The following ASZ1 variants were observed in gnomAD, a reference collection of about 807,000 sequenced individuals.
The protein encoded by ASZ1 is ankyrin repeat, SAM and basic leucine zipper domain-containing protein 1.
In ASZ1, 67 loss-of-function variants were observed where a neutral mutation model predicts 61.8. The ratio of observed to expected loss-of-function variants is 1.08; its 90% confidence interval spans 0.89 to 1.33. The LOEUF is 1.33. Ranked by LOEUF, ASZ1 falls within the 40% of genes most tolerant of loss-of-function variation. ASZ1 has a pLI of 0.00. For synonymous variants in ASZ1, 193 were observed against 192.7 expected (o/e 1.00, Z -0.01); for missense variants, 577 against 554.5 (o/e 1.04, Z -0.41).
chr7:117,402,325 G>T (rs981169526), intron 4 of ASZ1, among the ~76,000 whole-genome samples: 2 of 152,106 alleles, frequency 1.3e-5, no homozygotes, highest in East Asian at 3.9e-4. Flanking sequence ...TTTGGTTTCC[G>T]GGAGGTATCC....
intron 9 of ASZ1, 81 bp downstream of exon 9, chr7:117,380,929 AT>A (rs746968339): frequency 5.0e-5 from 62 of 1,247,220 alleles, no homozygotes; most frequent in Non-Finnish European, 6.8e-5. Flanking sequence ...TAGCCCTGGC[AT>A]TTTAAAAAGA....
Position 117,384,853 on chromosome 7 carries a change from G to A in ASZ1, c.560C>T (p.Thr187Met), listed in dbSNP as rs148719545. 45 of 1,585,318 alleles carry A rather than the reference G, an allele frequency of 2.8e-5. No individual in the cohort carries two copies. The highest frequency in any genetic ancestry group is 6.9e-5 in the East Asian group (3 of 43,510). The change falls in exon 6 of 13, where the codon ACG becomes ATG. Residue 187 changes from threonine to methionine, a missense_variant. Transcript: ENST00000284629. ...TQDENGYTAL[T>M]WAARQGHKNI... ...TTTATGACCCTGACGTGCTGCCCAC[G>A]TTAAAGCCTGTAAGTAGGGGGAAAA...
intron 4 of ASZ1, among the ~76,000 whole-genome samples, chr7:117,387,411 G>A (rs967632177): frequency 1.4e-4 from 22 of 152,050 alleles, no homozygotes; most frequent in African/African-American, 5.1e-4. Flanking sequence ...TTAACCATTC[G>A]AATTCAAATT....
rs1429081213 is a variant in ASZ1 at position 117,377,653 on chromosome 7, T to C, written c.1055+2285A>G. Among the ~76,000 whole-genome samples the C allele has an allele frequency of 3.3e-5, 5 of 152,328 alleles. No individual in the cohort carries two copies. In the South Asian group the frequency reaches 6.2e-4, roughly 19 times the overall value. On this transcript the variant is annotated intron_variant, in intron 10 of 12. Coordinates refer to ENST00000284629, the MANE Select transcript of ASZ1 (RefSeq NM_130768.3). ...TAATCAATAGGATTCATGGAATTAC[T>C]ACCACAATCTCAGAAAGGTTTTTTG...
intron 4 of ASZ1, among the ~76,000 whole-genome samples, chr7:117,403,925 C>T (rs760126076): frequency 2.6e-5 from 4 of 152,086 alleles, no homozygotes; most frequent in South Asian, 2.1e-4. Context: ...TTGTGAACTG[C>T]GCATGCGAGA....
chr7:117,386,469 C>T (rs1355876307), intron 4 of ASZ1, among the ~76,000 whole-genome samples: 1 of 152,146 alleles, frequency 6.6e-6, no homozygotes, highest in Non-Finnish European at 1.5e-5. Flanking sequence ...TTCAATCCTT[C>T]TACTCCTGGA....
At chr7:117,409,084 G>C (rs186555494) in intron 4 of ASZ1, among the ~76,000 whole-genome samples, 1 of 151,896 alleles carries the variant, frequency 6.6e-6, no homozygotes, top group East Asian at 1.9e-4. Flanking sequence ...AATTTAACTT[G>C]GGCAGAAAAA....
At chr7:117,366,415 A>T (rs1466073923) in intron 12 of ASZ1, among the ~76,000 whole-genome samples, 6 of 152,150 alleles carry the variant, frequency 3.9e-5, no homozygotes, top group Non-Finnish European at 8.8e-5. Context: ...TTATGGGTTG[A>T]AGCTGTATAA....
chr7:117,416,443 GT>G (rs1463413182), intron 4 of ASZ1, among the ~76,000 whole-genome samples: 2 of 152,042 alleles, frequency 1.3e-5, no homozygotes, highest in African/African-American at 4.8e-5. Flanking sequence ...CGGAACACTT[GT>G]TTTTCTCAGG....
At chr7:117,422,607 A>T (rs1262656152) in intron 2 of ASZ1, among the ~76,000 whole-genome samples, 1 of 152,226 alleles carries the variant, frequency 6.6e-6, no homozygotes, top group African/African-American at 2.4e-5. Flanking sequence ...TCATATATGT[A>T]ACTGAGTATG....
intron 2 of ASZ1, 52 bp downstream of exon 2, chr7:117,426,784 C>A: frequency 6.9e-7 from 1 of 1,452,806 alleles, no homozygotes; most frequent in Non-Finnish European, 9.4e-7. Context: ...ATAAAGAATC[C>A]TTGCGAACTT....
chr7:117,427,316 C>A (rs1305245263), intron 1 of ASZ1, 40 bp downstream of exon 1: 10 of 1,606,594 alleles, frequency 6.2e-6, no homozygotes, highest in South Asian at 3.3e-5. Context: ...CCAGGGGAGG[C>A]TGAAACCAGG....
intron 4 of ASZ1, among the ~76,000 whole-genome samples, chr7:117,415,227 C>A (rs887890051): frequency 2.0e-5 from 3 of 152,126 alleles, no homozygotes; most frequent in African/African-American, 7.2e-5. Flanking sequence ...GTTTTGCTGT[C>A]TGCAGTAACC....
intron 4 of ASZ1, among the ~76,000 whole-genome samples, chr7:117,412,167 G>C (rs184951245): frequency 6.6e-6 from 1 of 151,392 alleles, no homozygotes; most frequent in African/African-American, 2.4e-5. Flanking sequence ...AGCTATCCTG[G>C]GGCAGAGAAT....
At chr7:117,373,182 T>G (rs909294584) in intron 10 of ASZ1, among the ~76,000 whole-genome samples, 1 of 152,124 alleles carries the variant, frequency 6.6e-6, no homozygotes, top group Non-Finnish European at 1.5e-5. Context: ...GAATGAAAAT[T>G]TATTATTTCT....
intron 4 of ASZ1, among the ~76,000 whole-genome samples, chr7:117,400,105 T>C (rs1389678884): frequency 4.6e-5 from 7 of 152,062 alleles, no homozygotes; most frequent in Admixed American, 4.6e-4. Context: ...TGTACTGGGG[T>C]AAAATGGTTG....
chr7:117,379,168 TACAC>T (rs58457982), intron 10 of ASZ1, among the ~76,000 whole-genome samples: 88 of 69,694 alleles, frequency 1.3e-3, no homozygotes, highest in African/African-American at 3.2e-3. Flanking sequence ...TATATATATA[TACAC>T]ACACACACAC....
chr7:117,389,558 A>T (rs1478744090), intron 4 of ASZ1, among the ~76,000 whole-genome samples: 2 of 152,124 alleles, frequency 1.3e-5, no homozygotes, highest in East Asian at 3.9e-4. Context: ...AGGCAGAGAG[A>T]TACAGCTCCC....
At chr7:117,375,577 A>G (rs759243252) in intron 10 of ASZ1, among the ~76,000 whole-genome samples, 50 of 152,182 alleles carry the variant, frequency 3.3e-4, no homozygotes, top group Non-Finnish European at 1.3e-4. Flanking sequence ...CTATGTCTCC[A>G]TCTAGCCACC....
Sources: allele counts gnomAD v4.1 joint callset (sites outside exome capture counted in the v4.1 genomes callset), GRCh38; gene constraint gnomAD v4.1.1; transcripts MANE v1.5; gene names NCBI Gene and HGNC (gene_info 2026-07-23, HGNC 2026-07-21).